ADPRHL1: variants seen among roughly 807,000 people sequenced by gnomAD.
ADPRHL1 encodes the protein inactive ADP-ribosyltransferase ARH2.
A neutral mutation model predicts 44.1 loss-of-function variants in ADPRHL1; 43 were observed. The observed-to-expected ratio is 0.98, with a 90% CI of 0.76 to 1.26. The LOEUF is 1.26. Among genes scored for constraint, ADPRHL1 ranks in the 50% most tolerant of loss-of-function variants. ADPRHL1 has a pLI of 0.00. For missense variants in ADPRHL1, 2,022 were observed against 2,496.9 expected (o/e 0.81, Z 4.05); for synonymous variants, 878 against 1,017.4 (o/e 0.86, Z 2.61).
rs1394477542 is a variant in ADPRHL1 at position 113,401,780 on chromosome 13, C to A, written c.*1598G>T. The A allele has an allele frequency of 6.6e-6, 1 of 152,264 alleles. No individual in the cohort carries two copies. The highest frequency in any genetic ancestry group is 1.5e-5 in the Non-Finnish European group (1 of 68,066). The allele number at this position is 152,264 out of a possible 1,614,324, so 9.4% of individuals were successfully genotyped here. A position where few individuals can be genotyped will look rare whatever the true frequency, so the allele number is the denominator to read the frequency against. On this transcript the variant is annotated 3_prime_UTR_variant, in exon 8 of 8. Transcript: ENST00000612156. The surrounding 1 kb of genome is among the most constrained non-coding windows in gnomAD (Gnocchi z 5.5). Reference sequence around the variant, plus strand: ...AGTTAATTGTTCGACTGGAAGGAAACCTGTGCGCTCCCCGGAGCATGACGC... The same window carrying A: ...AGTTAATTGTTCGACTGGAAGGAAAACTGTGCGCTCCCCGGAGCATGACGC...
intron 5 of ADPRHL1, 66 bp from the exon 6 acceptor site, chr13:113,424,415 C>G: frequency 2.5e-6 from 4 of 1,593,738 alleles, no homozygotes; most frequent in Non-Finnish European, 3.4e-6. Flanking sequence ...TATTACAGCA[C>G]AAGCTTTCTG....
chr13:113,418,953 G>A (rs1700767501), intron 7 of ADPRHL1, among the ~76,000 whole-genome samples: 1 of 58,190 alleles, frequency 1.7e-5, no homozygotes, highest in Admixed American at 2.3e-4. Flanking sequence ...CTGGGCCTAA[G>A]AGGTTGTATA....
chr13:113,422,789 C>T lies in ADPRHL1; in HGVS notation c.1061+37G>A, dbSNP rs202224941. On this transcript the variant is annotated intron_variant, in intron 7 of 7. Transcript: ENST00000612156. ...GGCCCTACGGGCCCCGGGGTGGAATCGGCTCTCTAGGGGGAAAGTGGCAGA... is the reference window on the plus strand; with the variant it reads ...GGCCCTACGGGCCCCGGGGTGGAATTGGCTCTCTAGGGGGAAAGTGGCAGA... 2,952 of 1,611,062 alleles carry T rather than the reference C, an allele frequency of 1.8e-3. 13 individuals carry two copies. The highest frequency in any genetic ancestry group is 2.4e-3 in the Non-Finnish European group (2,826 of 1,179,120).
At position 113,402,000 on chromosome 13, in the gene ADPRHL1, G is replaced by A. The variant is rs1439957278; in HGVS notation, c.*1378C>T. On this transcript the variant is annotated 3_prime_UTR_variant, in exon 8 of 8. Transcript: ENST00000612156. The surrounding 1 kb of genome is among the most constrained non-coding windows in gnomAD (Gnocchi z 5.5). ...ACAGGTGCTCGCAGCAGGCACCAAA[G>A]CGCCTTTGCGAACGCTTAGGGCTGT... 6.6e-6 allele frequency: 1 copy of A among 152,282 alleles called. No individual in the cohort carries two copies. Among genetic ancestry groups the A allele is most frequent in the African/African-American group, 2.4e-5 (1 of 41,466 alleles). The allele number at this position is 152,282 out of a possible 1,614,324, so 9.4% of individuals were successfully genotyped here.
In ADPRHL1 at chr13:113,406,417, C is replaced by A; in HGVS notation, c.2865G>T (p.Gly955=). The A allele has an allele frequency of 8.1e-7, 1 of 1,232,086 alleles. No homozygotes were observed. Among genetic ancestry groups the A allele is most frequent in the Non-Finnish European group, 1.0e-6 (1 of 987,982 alleles). 76.3% of individuals were successfully genotyped at this position (1,232,086 alleles called of 1,614,324 possible). ...TQRLQTDPAG[G]KENKGSFENS... ...TCTCAAAGCTGCCTTTGTTTTCCTT[C>A]CCGCCAGCAGGATCTGTCTGGAGTC... is the stretch of plus-strand genomic sequence containing the variant. The change falls in exon 8 of 8, where the codon GGG becomes GGT. Residue 955 remains glycine (G), a synonymous_variant. Transcript: ENST00000612156.
Position 113,400,404 on chromosome 13 carries a change from A to G in ADPRHL1, c.*2974T>C, listed in dbSNP as rs1272481152. ...CGTGATCTGTCTGCCTCGGCCTCCC[A>G]AAGTGCTGGGATTACAGGCATGAGC... On this transcript the variant is annotated 3_prime_UTR_variant, in exon 8 of 8. Coordinates refer to ENST00000612156, the MANE Select transcript of ADPRHL1 (RefSeq NM_001394807.1). The G allele has an allele frequency of 6.6e-6, 1 of 150,768 alleles. No homozygotes were observed. Among genetic ancestry groups the G allele is most frequent in the African/African-American group, 2.4e-5 (1 of 41,042 alleles). 9.3% of individuals were successfully genotyped at this position (150,768 alleles called of 1,614,324 possible).
chr13:113,407,628 G>A lies in ADPRHL1; in HGVS notation c.1654C>T (p.Arg552Trp), dbSNP rs912391590. 10 of 1,231,960 alleles carry A rather than the reference G, an allele frequency of 8.1e-6. No homozygotes were observed. Among genetic ancestry groups the A allele is most frequent in the African/African-American group, 3.1e-5 (2 of 64,432 alleles). The allele number at this position is 1,231,960 out of a possible 1,614,324, so 76.3% of individuals were successfully genotyped here. ...CAGCTGTTCTGCTCGAACTTCTCCC[G>A]CAGCTTGGACAGCACCGAGCTCTTG... is the stretch of plus-strand genomic sequence containing the variant. Reference protein sequence around the residue: ...MGKSSVLSKLREKFEQNSCLC... With the variant: ...MGKSSVLSKLWEKFEQNSCLC... The change falls in exon 8 of 8, where the codon CGG (arginine) becomes TGG (tryptophan). Residue 552 changes from arginine to tryptophan, a missense_variant. Physicochemically the swap from Arg to Trp is moderately radical, Grantham distance 101 (BLOSUM62 -3). Transcript: ENST00000612156.
intron 1 of ADPRHL1, among the ~76,000 whole-genome samples, chr13:113,451,436 A>G (rs1326674140): frequency 6.6e-6 from 1 of 152,018 alleles, no homozygotes; most frequent in East Asian, 1.9e-4. Context: ...CCCACAAACT[A>G]GACGCTGCAG....
chr13:113,432,886 T>C (rs2044016894), intron 3 of ADPRHL1, among the ~76,000 whole-genome samples: 1 of 152,168 alleles, frequency 6.6e-6, no homozygotes, highest in Non-Finnish European at 1.5e-5. Flanking sequence ...TGAGTCCTTT[T>C]TGCTTTTTTT....
chr13:113,434,642 CCACATGTAGAGTGAACA>C (rs2044034842), intron 2 of ADPRHL1, among the ~76,000 whole-genome samples: 1 of 146,638 alleles, frequency 6.8e-6, no homozygotes, highest in African/African-American at 2.5e-5. Context: ...GACCCAGCAC[CCACATGTAGAGTGAACA>C]CAGGTGTACC....
chr13:113,424,614 G>A (rs1364602840), intron 5 of ADPRHL1, among the ~76,000 whole-genome samples: 3 of 107,108 alleles, frequency 2.8e-5, no homozygotes, highest in Non-Finnish European at 4.1e-5. Context: ...ACCAGCACAC[G>A]TGGCTAATTT....
chr13:113,444,711 C>T (rs2139648917), intron 1 of ADPRHL1, 122 bp from the exon 2 acceptor site: 1 of 1,227,142 alleles, frequency 8.1e-7, no homozygotes, highest in South Asian at 1.5e-5. Flanking sequence ...CAAACTCTGC[C>T]TCCCGGGTTC....
chr13:113,419,604 C>T (rs1216741267), intron 7 of ADPRHL1, among the ~76,000 whole-genome samples: 1 of 152,048 alleles, frequency 6.6e-6, no homozygotes, highest in East Asian at 1.9e-4. Context: ...TGGGGAGCAA[C>T]ACTGGAAGTC....
chr13:113,408,246 T>A, intron 7 of ADPRHL1, 26 bp from the exon 8 acceptor site: 3 of 1,231,812 alleles, frequency 2.4e-6, no homozygotes, highest in Non-Finnish European at 3.0e-6. Context: ...AATCATCACC[T>A]ACTTCATCAT....
intron 1 of ADPRHL1, among the ~76,000 whole-genome samples, chr13:113,451,499 G>A (rs116633850): frequency 2.6e-5 from 4 of 152,054 alleles, no homozygotes; most frequent in Non-Finnish European, 5.9e-5. Context: ...TGAGAGCTTA[G>A]AGCAAACTTA....
intron 5 of ADPRHL1, among the ~76,000 whole-genome samples, chr13:113,424,687 T>C (rs13378493): frequency 7.7e-6 from 1 of 129,224 alleles, no homozygotes; most frequent in Non-Finnish European, 1.6e-5. Flanking sequence ...CATTCATCTA[T>C]CCACCCATCC....
Position 113,437,726 on chromosome 13 carries a change from G to A in ADPRHL1, c.380-3859C>T, listed in dbSNP as rs113844225. Among the ~76,000 whole-genome samples, 1,369 of 152,348 alleles carry A rather than the reference G, an allele frequency of 9.0e-3. 15 individuals are homozygous for A. The highest frequency in any genetic ancestry group is 0.031 in the African/African-American group (1,271 of 41,582). ...AGACCTGCAGTTTGGGCTGTGTCCA[G>A]TCTGGGGCTCTGAGCATGAGGCACC... On this transcript the variant is annotated intron_variant, in intron 2 of 7. Coordinates refer to ENST00000612156, the MANE Select transcript of ADPRHL1 (RefSeq NM_001394807.1).
chr13:113,439,679 C>T (rs1055272886), intron 2 of ADPRHL1, among the ~76,000 whole-genome samples: 1 of 152,020 alleles, frequency 6.6e-6, no homozygotes, highest in Non-Finnish European at 1.5e-5. Context: ...AACACCTGAC[C>T]TCAGGTGATC....
At chr13:113,422,758 C>A (rs912994072) in intron 7 of ADPRHL1, 68 bp downstream of exon 7, 7 of 1,587,572 alleles carry the variant, frequency 4.4e-6, no homozygotes, top group Non-Finnish European at 5.1e-6. Flanking sequence ...CCAGGGGCTG[C>A]GAGAGGGCCC....
Sources: gnomAD v4.1 joint callset for allele counts (sites outside exome capture counted in the v4.1 genomes callset) on GRCh38, gnomAD v4.1.1 for gene constraint, Gnocchi (gnomAD v3.1) non-coding constraint, MANE v1.5 for transcripts, NCBI Gene and HGNC (gene_info 2026-07-23, HGNC 2026-07-21) for gene names.